Variants in PTK7 observed in about 807,000 individuals in gnomAD.
PTK7 encodes protein tyrosine kinase 7 (inactive), also known as inactive tyrosine-protein kinase 7.
In PTK7, 39 loss-of-function variants were observed where a neutral mutation model predicts 116.6. The observed-to-expected ratio is 0.33, with a 90% CI of 0.26 to 0.44. The LOEUF is 0.44. PTK7 is among the 20% of genes least tolerant of loss of function. PTK7 has a pLI of 1.00. For synonymous variants in PTK7, 546 were observed against 563.6 expected (o/e 0.97, Z 0.44); for missense variants, 1,169 against 1,425.6 (o/e 0.82, Z 2.90).
At chr6:43,137,660 G>A (rs778049539) in intron 7 of PTK7, among the ~76,000 whole-genome samples, 27 of 152,210 alleles carry the variant, frequency 1.8e-4, no homozygotes, top group Non-Finnish European at 3.5e-4. Context: ...AAACAGAACA[G>A]ATTTCTGAGG....
chr6:43,099,182 C>G (rs969131216), intron 1 of PTK7, among the ~76,000 whole-genome samples: 4 of 139,088 alleles, frequency 2.9e-5, no homozygotes, highest in African/African-American at 1.1e-4. Flanking sequence ...ATAGGTAAAA[C>G]AAAGAAAAAA....
chr6:43,153,317 G>A (rs114373814), intron 17 of PTK7, among the ~76,000 whole-genome samples: 517 of 151,186 alleles, frequency 3.4e-3, no homozygotes, highest in Non-Finnish European at 6.0e-3. Context: ...TTCACTGTGC[G>A]TTAGGCAGGA....
chr6:43,124,412 C>T (rs1769154018), intron 1 of PTK7, among the ~76,000 whole-genome samples: 1 of 152,240 alleles, frequency 6.6e-6, no homozygotes, highest in African/African-American at 2.4e-5. Context: ...AAGCCAGGCA[C>T]AGTGGCTCAT....
chr6:43,091,253 T>C (rs1240458009), intron 1 of PTK7, among the ~76,000 whole-genome samples: 1 of 151,124 alleles, frequency 6.6e-6, no homozygotes, highest in Non-Finnish European at 1.5e-5. Flanking sequence ...CTCTGTCTCC[T>C]GGGTTCAAGT....
In PTK7 at chr6:43,160,759, G is replaced by A; in HGVS notation, c.3091G>A (p.Gly1031Ser). 6.2e-7 allele frequency: 1 copy of A among 1,614,190 alleles called. No individual in the cohort carries two copies. Among genetic ancestry groups the A allele is most frequent in the South Asian group, 1.1e-5 (1 of 91,088 alleles). ...AGKARLPQPE[G>S]CPSKLYRLMQ... is the part of the protein sequence containing the mutation. The stretch of plus-strand genomic sequence containing the variant: ...GAAGGCTAGACTTCCTCAGCCCGAG[G>A]GCTGCCCTTCCAAACTCTATCGGCT... The change falls in exon 20 of 20, where the codon GGC (glycine) becomes AGC (serine). Residue 1031 changes from glycine to serine, a missense_variant. Physicochemically the swap from Gly to Ser is moderately conservative, Grantham distance 56. This residue lies in a region of PTK7 where 678 missense variants were observed against 853.8 expected (regional missense o/e 0.79). Transcript: ENST00000230419.
chr6:43,139,201 G>A lies in PTK7; in HGVS notation c.1428G>A (p.Gly476=). The change falls in exon 9 of 20, where the codon GGG becomes GGA. Residue 476 remains glycine, a synonymous_variant. Transcript: ENST00000230419. The surrounding 1 kb of genome is among the most constrained non-coding windows in gnomAD (Gnocchi z 4.6). ...TCAACAGCGTGGAGGTGTATGATGG[G>A]ACATGGTACCGTTGTATGAGCAGCA... The part of the protein sequence containing the change: ...LRINSVEVYD[G]TWYRCMSSTP... 6.2e-7 allele frequency: 1 copy of A among 1,614,224 alleles called. No individual in the cohort carries two copies.
intron 1 of PTK7, among the ~76,000 whole-genome samples, chr6:43,104,963 C>T (rs975452316): frequency 2.0e-5 from 3 of 151,984 alleles, no homozygotes; most frequent in Non-Finnish European, 2.9e-5. Flanking sequence ...CAGGTGCCCG[C>T]CACCATGCTC....
intron 1 of PTK7, among the ~76,000 whole-genome samples, chr6:43,106,831 G>A (rs1276631473): frequency 6.6e-6 from 1 of 151,738 alleles, no homozygotes; most frequent in African/African-American, 2.4e-5. Context: ...GGCCAGGCTT[G>A]TCTTGAACTC....
intron 17 of PTK7, among the ~76,000 whole-genome samples, chr6:43,153,611 A>T (rs932786627): frequency 2.6e-5 from 4 of 152,040 alleles, no homozygotes; most frequent in Non-Finnish European, 4.4e-5. Context: ...GGGTCTCACT[A>T]TGTTGCCCAG....
chr6:43,084,685 A>C (rs1448629109), intron 1 of PTK7, among the ~76,000 whole-genome samples: 1 of 152,240 alleles, frequency 6.6e-6, no homozygotes, highest in African/African-American at 2.4e-5. Flanking sequence ...AGAAACGTGA[A>C]TCAGATGAAG....
At chr6:43,111,816 T>C (rs755093981) in intron 1 of PTK7, among the ~76,000 whole-genome samples, 1 of 150,916 alleles carries the variant, frequency 6.6e-6, no homozygotes, top group Non-Finnish European at 1.5e-5. Context: ...CACAGGTGCA[T>C]ACCACCATGC....
In PTK7 at chr6:43,076,507, T is replaced by C; in HGVS notation, c.19T>C (p.Ser7Pro). Residue 7 changes from serine to proline, a missense_variant, in exon 1 of 20, where the codon TCC becomes CCC. Physicochemically the swap from Ser to Pro is moderately conservative, Grantham distance 74. Transcript: ENST00000230419. The surrounding 1 kb of genome is among the most constrained non-coding windows in gnomAD (Gnocchi z 5.7). MGAARG[S>P]PARPRRLPLL... is the part of the protein sequence containing the mutation. ...CGCCGCGATGGGAGCTGCGCGGGGATCCCCGGCCAGACCCCGCCGGTTGCC... is the reference window on the plus strand; with the variant it reads ...CGCCGCGATGGGAGCTGCGCGGGGACCCCCGGCCAGACCCCGCCGGTTGCC... The C allele has an allele frequency of 6.4e-7, 1 of 1,572,850 alleles. No homozygotes were observed. The highest frequency in any genetic ancestry group is 8.6e-7 in the Non-Finnish European group (1 of 1,164,290).
chr6:43,124,515 C>G (rs1769162559), intron 1 of PTK7, among the ~76,000 whole-genome samples: 1 of 151,908 alleles, frequency 6.6e-6, no homozygotes, highest in Non-Finnish European at 1.5e-5. Flanking sequence ...AAAACCCTGT[C>G]TCTATAAAAA....
At position 43,146,679 on chromosome 6, in the gene PTK7, C is replaced by T; in HGVS notation, c.2702C>T (p.Pro901Leu). 6.2e-7 allele frequency: 1 copy of T among 1,613,018 alleles called. No homozygotes were observed. Residue 901 changes from proline to leucine, a missense_variant, in exon 17 of 20, where the codon CCC (proline) becomes CTC (leucine). Physicochemically the swap from Pro to Leu is moderately conservative, Grantham distance 98. Around this residue, in one of 3 missense-constraint regions of PTK7, gnomAD observed 678 missense variants for 853.8 expected, o/e 0.79. Coordinates refer to ENST00000230419, the MANE Select transcript of PTK7 (RefSeq NM_002821.5). ...KSKDEKLKSQ[P>L]LSTKQKVALC... ...AAGGATGAAAAATTGAAGTCACAGC[C>T]CCTCAGCACCAAGCAGAAGGTGAGG...
rs2150362245 is a variant in PTK7, at chr6:43,076,460, C to T, written c.-29C>T. The T allele has an allele frequency of 6.5e-7, 1 of 1,536,936 alleles. No individual in the cohort carries two copies. The highest frequency in any genetic ancestry group is 1.2e-5 in the South Asian group (1 of 83,540). On this transcript the variant is annotated 5_prime_UTR_variant, in exon 1 of 20. Transcript: ENST00000230419. This position sits in a 1 kb window ranked among gnomAD's most constrained non-coding sequence, Gnocchi z 5.7. ...CGCAGTCTGCGCGCCCGCCGTGCGCCCTCAGCTCCTTTTCCTGAGCCCGCC... is the reference window on the plus strand; with the variant it reads ...CGCAGTCTGCGCGCCCGCCGTGCGCTCTCAGCTCCTTTTCCTGAGCCCGCC...
At chr6:43,144,201 T>A in intron 14 of PTK7, 1 of 523,806 alleles carries the variant, frequency 1.9e-6, no homozygotes, top group East Asian at 3.1e-5. Context: ...AGATTAGATG[T>A]CTGCAGTTGG....
At position 43,130,621 on chromosome 6, in the gene PTK7, T is replaced by C; in HGVS notation, c.772T>C (p.Trp258Arg). ...AGCCCAGCCACCCCCGAGCCTGCAG[T>C]GGCTCTTTGAGGATGAGACTCCCAT... Reference protein sequence around the residue: ...FSAQPPPSLQWLFEDETPITN... With the variant: ...FSAQPPPSLQRLFEDETPITN... The change falls in exon 5 of 20, where the codon TGG (tryptophan) becomes CGG (arginine). Residue 258 changes from tryptophan to arginine, a missense_variant. Physicochemically the swap from Trp to Arg is moderately radical, Grantham distance 101 (BLOSUM62 -3). Around this residue, in one of 3 missense-constraint regions of PTK7, gnomAD observed 487 missense variants for 549.8 expected, o/e 0.89. Transcript: ENST00000230419. 1.2e-6 allele frequency: 2 copies of C among 1,614,176 alleles called. No homozygotes were observed.
chr6:43,125,881 A>G (rs1769260422), intron 1 of PTK7, among the ~76,000 whole-genome samples: 1 of 152,092 alleles, frequency 6.6e-6, no homozygotes, highest in African/African-American at 2.4e-5. Context: ...CCAGCCCCTT[A>G]GCTGCTCCTC....
At chr6:43,103,857 A>G (rs1462268928) in intron 1 of PTK7, among the ~76,000 whole-genome samples, 2 of 152,246 alleles carry the variant, frequency 1.3e-5, no homozygotes, top group African/African-American at 2.4e-5. Flanking sequence ...AGAACAGAGT[A>G]GATTTTCCCT....
Sources: allele counts gnomAD v4.1 joint callset (sites outside exome capture counted in the v4.1 genomes callset), GRCh38; gene constraint gnomAD v4.1.1; regional missense constraint gnomAD v4.1.1; non-coding constraint Gnocchi (gnomAD v3.1); transcripts MANE v1.5; gene names NCBI Gene and HGNC (gene_info 2026-07-23, HGNC 2026-07-21).